Variants in DMD observed in about 807,000 individuals in gnomAD.
The protein encoded by DMD is dystrophin.
In DMD, 63 loss-of-function variants were observed where a neutral mutation model predicts 330.1. The observed-to-expected ratio is 0.19, with a 90% CI of 0.16 to 0.24. The LOEUF is 0.24. Among genes scored for constraint, DMD ranks in the 10% least tolerant of loss-of-function variants. The probability of loss-of-function intolerance (pLI) is 1.00; values close to 1 mark genes in which losing one functional copy is unlikely to be tolerated. For synonymous variants in DMD, 1,223 were observed against 959.8 expected, an observed-to-expected ratio of 1.27 and a Z score of -5.07; for missense variants, 3,344 against 2,684.1, an observed-to-expected ratio of 1.25 and a Z score of -5.43.
intron 7 of DMD, among the ~76,000 whole-genome samples, chrX:32,801,665 C>A (rs1342928887): frequency 9.0e-6 from 1 of 111,511 alleles, no homozygotes; most frequent in Non-Finnish European, 1.9e-5. Context: ...GTCTTTAATC[C>A]ATCTTGAGTT....
intron 54 of DMD, among the ~76,000 whole-genome samples, chrX:31,656,260 T>C (rs1301782457): frequency 1.8e-5 from 2 of 112,551 alleles, no homozygotes; most frequent in Non-Finnish European, 3.8e-5. Context: ...AGTAAGTATA[T>C]GCATTCCTTA....
intron 2 of DMD, among the ~76,000 whole-genome samples, chrX:33,008,819 AATGTATACGTATATATATACACATAT>A (rs1297327600): frequency 5.0e-5 from 2 of 40,095 alleles, no homozygotes; most frequent in African/African-American, 1.1e-4. Flanking sequence ...TATACACATA[AATGTATACGTATATATATACACATAT>A]ATGTATACGT....
intron 62 of DMD, chrX:31,266,693 C>A: frequency 1.3e-6 from 1 of 782,570 alleles, no homozygotes; most frequent in Non-Finnish European, 1.9e-6. Flanking sequence ...CCGCCCGGCG[C>A]CCCGGGTCCA....
At chrX:31,650,390 C>A (rs1201611607) in intron 54 of DMD, among the ~76,000 whole-genome samples, 1 of 111,516 alleles carries the variant, frequency 9.0e-6, no homozygotes, top group Non-Finnish European at 1.9e-5. Context: ...GGCAGCAAAT[C>A]TTTATCCTTT....
intron 7 of DMD, among the ~76,000 whole-genome samples, chrX:32,721,514 A>G (rs1460146847): frequency 9.0e-6 from 1 of 110,679 alleles, no homozygotes; most frequent in Non-Finnish European, 1.9e-5. Context: ...TGAAAAAAAA[A>G]ATGTTCAAGT....
intron 7 of DMD, among the ~76,000 whole-genome samples, chrX:32,803,876 A>G (rs1033351142): frequency 8.9e-6 from 1 of 111,942 alleles, no homozygotes. Flanking sequence ...ACTTCCAATT[A>G]TGTCGTCAAT....
chrX:32,641,600 A>C (rs759961371), intron 11 of DMD: 7 of 161,665 alleles, frequency 4.3e-5, no homozygotes, highest in Non-Finnish European at 8.3e-5. Flanking sequence ...TGCTAAGTGT[A>C]AATGTTCATA....
At chrX:32,279,442 A>C (rs184010920) in intron 43 of DMD, among the ~76,000 whole-genome samples, 65 of 111,917 alleles carry the variant, frequency 5.8e-4, no homozygotes, top group African/African-American at 2.0e-3. Context: ...TGGACAAAGA[A>C]AATGTGATAC....
intron 60 of DMD, among the ~76,000 whole-genome samples, chrX:31,418,684 C>G (rs1479393318): frequency 8.9e-6 from 1 of 112,280 alleles, no homozygotes; most frequent in Non-Finnish European, 1.9e-5. Context: ...TTTCTTGCTG[C>G]CCCTCTCTTT....
intron 44 of DMD, among the ~76,000 whole-genome samples, chrX:32,129,120 T>C (rs1204061030): frequency 9.0e-6 from 1 of 111,563 alleles, no homozygotes; most frequent in Admixed American, 9.6e-5. Flanking sequence ...TAAAAATGTA[T>C]ACTGTATCTT....
chrX:31,509,695 G>T (rs2071298807), intron 55 of DMD, among the ~76,000 whole-genome samples: 1 of 111,850 alleles, frequency 8.9e-6, no homozygotes, highest in Non-Finnish European at 1.9e-5. Context: ...TCATGAATTT[G>T]CTACTTTTCA....
rs1225596180 is a variant in DMD, at chrX:31,347,001, C to CAAAAAAAAA, written c.9163+1546_9163+1554dup. Among the ~76,000 whole-genome samples, 22 of 9,578 alleles carry CAAAAAAAAA rather than the reference C, an allele frequency of 2.3e-3. 1 individual carries two copies. Among genetic ancestry groups the CAAAAAAAAA allele is most frequent in the Non-Finnish European group, 2.8e-3 (17 of 5,977 alleles). 8.3% of individuals were successfully genotyped at this position (9,578 alleles called of 115,157 possible). The stretch of plus-strand genomic sequence containing the variant: ...TGGGTGACAGAATGAGGCTCCCTCT[C>CAAAAAAAAA]AAAAAAAAAAAAAAAAAAAAAAAAA... On this transcript the variant is annotated intron_variant, in intron 61 of 78. Coordinates refer to ENST00000357033, the MANE Select transcript of DMD (RefSeq NM_004006.3).
chrX:33,103,827 GA>G (rs2095262553), intron 1 of DMD, among the ~76,000 whole-genome samples: 1 of 111,657 alleles, frequency 9.0e-6, no homozygotes, highest in Non-Finnish European at 1.9e-5. Context: ...AAAAATTATA[GA>G]AAATGGGATC....
intron 55 of DMD, among the ~76,000 whole-genome samples, chrX:31,593,505 T>C (rs897647119): frequency 9.0e-6 from 1 of 111,514 alleles, no homozygotes; most frequent in Non-Finnish European, 1.9e-5. Context: ...GTGTATTTTG[T>C]TAAGATGTAC....
chrX:31,490,636 G>A (rs1389654493), intron 57 of DMD, among the ~76,000 whole-genome samples: 3 of 112,431 alleles, frequency 2.7e-5, no homozygotes, highest in African/African-American at 9.7e-5. Context: ...TTGTTTTTCA[G>A]AGGTGATAGG....
chrX:31,819,009 T>C (rs1195818060), intron 50 of DMD, among the ~76,000 whole-genome samples: 5 of 109,051 alleles, frequency 4.6e-5, no homozygotes, highest in Non-Finnish European at 9.5e-5. Context: ...CTTCAATCAT[T>C]TGATCTTTGA....
At chrX:32,762,762 C>G (rs1423829466) in intron 7 of DMD, among the ~76,000 whole-genome samples, 1 of 110,804 alleles carries the variant, frequency 9.0e-6, no homozygotes, top group Non-Finnish European at 1.9e-5. Context: ...CAGGGTCTTG[C>G]TGGCTGCTTT....
chrX:33,175,273 T>A (rs761812053), intron 1 of DMD, among the ~76,000 whole-genome samples: 9 of 112,459 alleles, frequency 8.0e-5, no homozygotes, highest in Admixed American at 3.8e-4. Context: ...CAATCTTCCC[T>A]CTGTGGCTTT....
chrX:32,356,098 C>A (rs1316539990), intron 37 of DMD, among the ~76,000 whole-genome samples: 2 of 110,091 alleles, frequency 1.8e-5, no homozygotes, highest in Non-Finnish European at 1.9e-5. Context: ...AATTTTCAAT[C>A]CAATACATCT....
Sources: gnomAD v4.1 joint callset for allele counts (sites outside exome capture counted in the v4.1 genomes callset) on GRCh38, gnomAD v4.1.1 for gene constraint, MANE v1.5 for transcripts, NCBI Gene and HGNC (gene_info 2026-07-23, HGNC 2026-07-21) for gene names.